ZNF664: variants seen among roughly 807,000 people sequenced by gnomAD.
ZNF664 encodes zinc finger Organ of Corti 1.
A neutral mutation model predicts 18.2 loss-of-function variants in ZNF664; 10 were observed. The observed-to-expected ratio is 0.55, with a 90% CI of 0.34 to 0.93. ZNF664 has a LOEUF of 0.93. Ranked by LOEUF, ZNF664 falls within the 40% of genes least tolerant of loss-of-function variation. The probability of loss-of-function intolerance (pLI) is 0.02; values close to 1 mark genes in which losing one functional copy is unlikely to be tolerated. For synonymous variants in ZNF664, 119 were observed against 104.2 expected, an observed-to-expected ratio of 1.14 and a Z score of -0.86; for missense variants, 193 against 319.0, an observed-to-expected ratio of 0.61 and a Z score of 3.01.
chr12:123,999,754 T>C (rs887981637), intron 3 of ZNF664, among the ~76,000 whole-genome samples: 2 of 152,224 alleles, frequency 1.3e-5, no homozygotes, highest in African/African-American at 4.8e-5. Flanking sequence ...GCAGTACATG[T>C]ACCTTGATAG....
Position 123,998,769 on chromosome 12 carries a change from G to A in ZNF664, c.-661+10631G>A, listed in dbSNP as rs139008495. 1.4e-4 allele frequency: 21 copies of A among 152,614 alleles called. 1 individual carries two copies. Among genetic ancestry groups the A allele is most frequent in the African/African-American group, 3.4e-4 (14 of 41,540 alleles). 9.5% of individuals were successfully genotyped at this position (152,614 alleles called of 1,614,324 possible). A position where few individuals can be genotyped will look rare whatever the true frequency, so the allele number is the denominator to read the frequency against. On this transcript the variant is annotated intron_variant, in intron 3 of 4. Transcript: ENST00000337815. ...GTCTGTTTTGTTCATCAGATCCTCC[G>A]GAGCATAGCTTACTGCCCAACAGAT...
chr12:123,988,463 T>C (rs997116843), intron 3 of ZNF664, among the ~76,000 whole-genome samples: 1 of 152,236 alleles, frequency 6.6e-6, no homozygotes. Context: ...TTCTGCCATC[T>C]TGGAGGCCTT....
Position 123,997,933 on chromosome 12 carries a change from G to A in ZNF664, c.-661+9795G>A, listed in dbSNP as rs1956969024. 3.9e-5 allele frequency: 6 copies of A among 152,306 alleles called. No homozygotes were observed. In the South Asian group the frequency reaches 8.3e-4, roughly 21 times the overall value. The allele number at this position is 152,306 out of a possible 1,614,324, so 9.4% of individuals were successfully genotyped here. A position where few individuals can be genotyped will look rare whatever the true frequency, so the allele number is the denominator to read the frequency against. On this transcript the variant is annotated intron_variant, in intron 3 of 4. Transcript: ENST00000337815. ...AGGCTCAGAGACGGTGTGGGTGTCT[G>A]AAGGAAAAAATACGTGTTAAGTGAA...
chr12:124,009,886 T>C (rs1358889261), intron 3 of ZNF664, among the ~76,000 whole-genome samples: 4 of 64,270 alleles, frequency 6.2e-5, no homozygotes, highest in Admixed American at 2.9e-4. Context: ...ATTGTGTACC[T>C]TTTTTTTTTT....
intron 3 of ZNF664, among the ~76,000 whole-genome samples, chr12:123,996,438 T>TG (rs1322738242): frequency 2.2e-4 from 34 of 152,154 alleles, no homozygotes; most frequent in African/African-American, 8.0e-4. Flanking sequence ...GAGCTGGAGA[T>TG]GCATAACAAT....
At chr12:123,987,766 C>T (rs1249974071) in intron 2 of ZNF664, among the ~76,000 whole-genome samples, 2 of 152,118 alleles carry the variant, frequency 1.3e-5, no homozygotes, top group East Asian at 1.9e-4. Flanking sequence ...GTTCCCATCA[C>T]GAGGCTAATT....
At chr12:123,985,255 T>C (rs1956810826) in intron 2 of ZNF664, among the ~76,000 whole-genome samples, 1 of 152,230 alleles carries the variant, frequency 6.6e-6, no homozygotes, top group Non-Finnish European at 1.5e-5. Context: ...TTATTTTTGC[T>C]TTTTTGTTTT....
At chr12:123,978,394 C>T (rs1015851424) in intron 2 of ZNF664, among the ~76,000 whole-genome samples, 1 of 152,024 alleles carries the variant, frequency 6.6e-6, no homozygotes, top group Non-Finnish European at 1.5e-5. Flanking sequence ...CACTAATTAC[C>T]GTATAGAAAA....
intron 3 of ZNF664, among the ~76,000 whole-genome samples, chr12:124,002,837 G>GTATTT (rs142921461): frequency 0.041 from 6,236 of 152,180 alleles, 391 homozygotes; most frequent in African/African-American, 0.13. Flanking sequence ...CATCTAAAGA[G>GTATTT]TATTTTAGAT....
In ZNF664 at chr12:124,011,273, A is replaced by G. The variant is rs1489752222; in HGVS notation, c.-660-108A>G. On this transcript the variant is annotated intron_variant, in intron 3 of 4. Coordinates refer to ENST00000337815, the MANE Select transcript of ZNF664 (RefSeq NM_152437.3). ...TTTTGAGGATTTCTTTTCTCTTTCAATAATGTTCCCCTTGATGTTGCTCAG... is the reference window on the plus strand; with the variant it reads ...TTTTGAGGATTTCTTTTCTCTTTCAGTAATGTTCCCCTTGATGTTGCTCAG... 6.1e-6 allele frequency: 6 copies of G among 984,674 alleles called. No homozygotes were observed. The African/African-American group carries it at 7.0e-5, about 11-fold the overall frequency. 61.0% of individuals were successfully genotyped at this position (984,674 alleles called of 1,614,324 possible).
chr12:123,984,186 G>C (rs1415072901), intron 2 of ZNF664, among the ~76,000 whole-genome samples: 2 of 152,214 alleles, frequency 1.3e-5, no homozygotes, highest in Non-Finnish European at 2.9e-5. Context: ...TCATGGGAAT[G>C]AACTAGTGTT....
chr12:124,013,079 G>A lies in ZNF664; in HGVS notation c.*149G>A. 8.1e-6 allele frequency: 9 copies of A among 1,114,834 alleles called. No individual in the cohort carries two copies. Among genetic ancestry groups the A allele is most frequent in the Non-Finnish European group, 1.1e-5 (9 of 796,068 alleles). The allele number at this position is 1,114,834 out of a possible 1,614,324, so 69.1% of individuals were successfully genotyped here. A position where few individuals can be genotyped will look rare whatever the true frequency, so the allele number is the denominator to read the frequency against. ...AGGCATATGTGAGATTGATTTGTTG[G>A]TTCATGCCAAGTGTGTTCCACAGGT... On this transcript the variant is annotated 3_prime_UTR_variant, in exon 5 of 5. Transcript: ENST00000337815.
At chr12:123,979,857 T>A (rs985238334) in intron 2 of ZNF664, among the ~76,000 whole-genome samples, 2 of 152,000 alleles carry the variant, frequency 1.3e-5, no homozygotes, top group Non-Finnish European at 2.9e-5. Flanking sequence ...GATTTTTAAA[T>A]TTTTTTTGTA....
chr12:123,987,209 C>T (rs918479626), intron 2 of ZNF664, among the ~76,000 whole-genome samples: 1 of 152,184 alleles, frequency 6.6e-6, no homozygotes, highest in Non-Finnish European at 1.5e-5. Context: ...CCCAGATTGA[C>T]AACAGCTAGA....
chr12:124,011,607 G>A lies in ZNF664; in HGVS notation c.-538G>A, dbSNP rs1957136872. On this transcript the variant is annotated 5_prime_UTR_variant, in exon 5 of 5. Transcript: ENST00000337815. The stretch of plus-strand genomic sequence containing the variant: ...GCAGGGCTTGCCATACCTGGACCCC[G>A]AGGAGCCTGCTTGCTGGAAAGGCTT... 6.0e-6 allele frequency: 6 copies of A among 1,004,812 alleles called. No individual in the cohort carries two copies. The highest frequency in any genetic ancestry group is 7.1e-6 in the Non-Finnish European group (6 of 845,342). The allele number at this position is 1,004,812 out of a possible 1,614,324, so 62.2% of individuals were successfully genotyped here.
rs1957179628 is a variant in ZNF664 at position 124,015,426 on chromosome 12, G to C, written c.*2496G>C. 6.2e-6 allele frequency: 1 copy of C among 160,876 alleles called. No homozygotes were observed. Among genetic ancestry groups the C allele is most frequent in the South Asian group, 2.1e-4 (1 of 4,830 alleles). The allele number at this position is 160,876 out of a possible 1,614,324, so 10.0% of individuals were successfully genotyped here. On this transcript the variant is annotated 3_prime_UTR_variant, in exon 5 of 5. Transcript: ENST00000337815. Reference sequence around the variant, plus strand: ...ATTTAATAAAATCGCTTTATAACAGGGTTCTGTGCTTGACATGTAGTTGTG... The same window carrying C: ...ATTTAATAAAATCGCTTTATAACAGCGTTCTGTGCTTGACATGTAGTTGTG...
At chr12:124,006,058 G>A (rs1357309449) in intron 3 of ZNF664, 1 of 152,442 alleles carries the variant, frequency 6.6e-6, no homozygotes, top group African/African-American at 2.4e-5. Context: ...TGATGTCAAG[G>A]CTGAATGGCT....
At chr12:124,010,405 CAT>C (rs1199748720) in intron 3 of ZNF664, among the ~76,000 whole-genome samples, 1 of 152,134 alleles carries the variant, frequency 6.6e-6, no homozygotes, top group Non-Finnish European at 1.5e-5. Context: ...ATTGCTAAAA[CAT>C]AGTCCTAAAC....
chr12:124,005,744 A>G, intron 3 of ZNF664: 1 of 152,542 alleles, frequency 6.6e-6, no homozygotes, highest in East Asian at 1.9e-4. Context: ...TCACTGGCCC[A>G]TCCCTACAAC....
Sources: allele counts gnomAD v4.1 joint callset (sites outside exome capture counted in the v4.1 genomes callset), GRCh38; gene constraint gnomAD v4.1.1; transcripts MANE v1.5; gene names NCBI Gene and HGNC (gene_info 2026-07-23, HGNC 2026-07-21).